Variants in NTF3 observed in about 807,000 individuals in gnomAD.
The protein encoded by NTF3 is neurotrophin-3.
NTF3 carries 8 observed loss-of-function variants against 26.3 expected under a neutral mutation model. The ratio of observed to expected loss-of-function variants is 0.30; its 90% CI spans 0.18 to 0.55. The LOEUF (loss-of-function observed/expected upper bound fraction) is 0.55. Ranked by LOEUF, NTF3 falls within the 20% of genes least tolerant of loss-of-function variation. The pLI, the probability that NTF3 is intolerant of heterozygous loss-of-function variation, is 0.93. For missense variants in NTF3, 276 were observed against 352.9 expected (o/e 0.78, Z 1.75); for synonymous variants, 154 against 145.5 (o/e 1.06, Z -0.42).
chr12:5,456,158 G>A lies in NTF3; in HGVS notation c.18+23816G>A, dbSNP rs934682316. Among the ~76,000 whole-genome samples, 6 of 152,198 alleles carry A rather than the reference G, an allele frequency of 3.9e-5. No individual in the cohort carries two copies. Among genetic ancestry groups the A allele is most frequent in the African/African-American group, 1.4e-4 (6 of 41,456 alleles). The stretch of plus-strand genomic sequence containing the variant: ...CAGGAGCACTGGTCACTTGGGCTGG[G>A]ATGGTTCTTAGTGGTACAGGATGCA... On this transcript the variant is annotated intron_variant, in intron 1 of 1. Transcript: ENST00000423158. The surrounding 1 kb of genome is among the most constrained non-coding windows in gnomAD (Gnocchi z 4.4).
At chr12:5,440,426 T>G (rs1940222637) in intron 1 of NTF3, among the ~76,000 whole-genome samples, 1 of 152,204 alleles carries the variant, frequency 6.6e-6, no homozygotes, top group Admixed American at 6.5e-5. Context: ...AAAAATATCC[T>G]TCTCTGGCTC....
Position 5,494,519 on chromosome 12 carries a change from C to T in NTF3, c.344C>T (p.Pro115Leu). 1.9e-6 allele frequency: 3 copies of T among 1,614,048 alleles called. No homozygotes were observed. Among genetic ancestry groups the T allele is most frequent in the Non-Finnish European group, 2.5e-6 (3 of 1,180,030 alleles). Residue 115 changes from proline to leucine, a missense_variant, in exon 2 of 2, where the codon CCG (proline) becomes CTG (leucine). This residue lies in a region of NTF3 where 221 missense variants were observed against 258.2 expected (regional missense o/e 0.86). Transcript: ENST00000423158. The surrounding 1 kb of genome is among the most constrained non-coding windows in gnomAD (Gnocchi z 8.3). Reference protein sequence around the residue: ...LLRQQRRYNSPRVLLSDSTPL... With the variant: ...LLRQQRRYNSLRVLLSDSTPL... Reference sequence around the variant, plus strand: ...CGACAACAGAGACGCTACAACTCACCGCGGGTCCTGCTGAGCGACAGCACC... The same window carrying T: ...CGACAACAGAGACGCTACAACTCACTGCGGGTCCTGCTGAGCGACAGCACC...
At chr12:5,432,433 C>A in intron 1 of NTF3, 91 bp downstream of exon 1, 1 of 1,410,642 alleles carries the variant, frequency 7.1e-7, no homozygotes, top group Non-Finnish European at 9.9e-7. Flanking sequence ...GTGCGGGGGG[C>A]CCCAGATCCG....
chr12:5,489,272 T>C (rs1304085562), intron 1 of NTF3, among the ~76,000 whole-genome samples: 1 of 152,246 alleles, frequency 6.6e-6, no homozygotes, highest in Non-Finnish European at 1.5e-5. Context: ...TGCTTAGAGC[T>C]GAGGCTTCTT....
chr12:5,467,267 G>A (rs1002437898), intron 1 of NTF3, among the ~76,000 whole-genome samples: 18 of 119,162 alleles, frequency 1.5e-4, no homozygotes, highest in African/African-American at 4.6e-4. Context: ...AAAAAAAGTC[G>A]GGGGCTTGCC....
intron 1 of NTF3, among the ~76,000 whole-genome samples, chr12:5,476,608 A>T (rs1049431474): frequency 1.3e-5 from 2 of 152,182 alleles, no homozygotes; most frequent in African/African-American, 4.8e-5. Context: ...AAGTGGCTGG[A>T]GTGGTGGATC....
intron 1 of NTF3, among the ~76,000 whole-genome samples, chr12:5,489,071 G>A (rs1431697908): frequency 6.6e-6 from 1 of 152,200 alleles, no homozygotes; most frequent in East Asian, 1.9e-4. Context: ...GGTGCACTCC[G>A]TGTTCTGTCC....
At chr12:5,442,466 G>A (rs11063677) in intron 1 of NTF3, among the ~76,000 whole-genome samples, 49,455 of 151,922 alleles carry the variant, frequency 0.33, 9,115 homozygotes, top group East Asian at 0.78. Context: ...GTACTTCTCA[G>A]AAGTATCCCT....
chr12:5,450,969 A>G (rs1020215287), intron 1 of NTF3, among the ~76,000 whole-genome samples: 5 of 152,208 alleles, frequency 3.3e-5, no homozygotes, highest in Non-Finnish European at 7.3e-5. Flanking sequence ...AATGTCTAGG[A>G]AGTGGTGGCA....
chr12:5,450,589 C>T (rs1225964918), intron 1 of NTF3, among the ~76,000 whole-genome samples: 2 of 152,188 alleles, frequency 1.3e-5, no homozygotes, highest in African/African-American at 4.8e-5. Context: ...ATTTGGCCTT[C>T]TTCATCTCAA....
chr12:5,492,412 T>C (rs949200356), intron 1 of NTF3, among the ~76,000 whole-genome samples: 1 of 152,254 alleles, frequency 6.6e-6, no homozygotes, highest in Non-Finnish European at 1.5e-5. Context: ...ATTATTCTTT[T>C]TGAGGGGAGT....
In NTF3 at chr12:5,494,519, C is replaced by A. The variant is rs1354743162; in HGVS notation, c.344C>A (p.Pro115Gln). 2.5e-6 allele frequency: 4 copies of A among 1,614,048 alleles called. No individual in the cohort carries two copies. In the East Asian group the frequency reaches 8.9e-5, roughly 36 times the overall value. Residue 115 changes from proline (P) to glutamine (Q), a missense_variant, in exon 2 of 2, where the codon CCG (proline) becomes CAG (glutamine). By Grantham distance (76) the Pro-to-Gln change is moderately conservative (BLOSUM62 -1). Around this residue, in one of 3 missense-constraint regions of NTF3, gnomAD observed 221 missense variants for 258.2 expected, o/e 0.86. Coordinates refer to ENST00000423158, the MANE Select transcript of NTF3 (RefSeq NM_001102654.2). This position sits in a 1 kb window ranked among gnomAD's most constrained non-coding sequence, Gnocchi z 8.3. ...LLRQQRRYNSPRVLLSDSTPL... is the reference protein window; with the variant it reads ...LLRQQRRYNSQRVLLSDSTPL... ...CGACAACAGAGACGCTACAACTCACCGCGGGTCCTGCTGAGCGACAGCACC... is the reference window on the plus strand; with the variant it reads ...CGACAACAGAGACGCTACAACTCACAGCGGGTCCTGCTGAGCGACAGCACC...
intron 1 of NTF3, among the ~76,000 whole-genome samples, chr12:5,448,532 C>T (rs1245048934): frequency 1.3e-5 from 2 of 152,148 alleles, no homozygotes; most frequent in Non-Finnish European, 2.9e-5. Flanking sequence ...CAGCTTCTAG[C>T]CAATGAAAGT....
In NTF3 at chr12:5,432,206, C is replaced by A; in HGVS notation, c.-119C>A. On this transcript the variant is annotated 5_prime_UTR_variant, in exon 1 of 2. Transcript: ENST00000423158. ...TTTCTTCTCTCTCCTTTCTTTCTTC[C>A]TCTCCTTTTTCCCCTGCTGGGTAGT... 1 of 1,170,526 alleles carries A rather than the reference C, an allele frequency of 8.5e-7. No individual in the cohort carries two copies. The highest frequency in any genetic ancestry group is 1.3e-6 in the Non-Finnish European group (1 of 781,086). 72.5% of individuals were successfully genotyped at this position (1,170,526 alleles called of 1,614,324 possible).
intron 1 of NTF3, among the ~76,000 whole-genome samples, chr12:5,467,228 C>CAAAAAAAAAAAAAA (rs60794349): frequency 1.2e-4 from 6 of 49,548 alleles, no homozygotes; most frequent in Admixed American, 3.3e-4. Flanking sequence ...GACTCCGTCT[C>CAAAAAAAAAAAAAA]AAAAAAAAAA....
chr12:5,434,928 G>T (rs889987653), intron 1 of NTF3, among the ~76,000 whole-genome samples: 13 of 152,084 alleles, frequency 8.5e-5, no homozygotes, highest in African/African-American at 3.1e-4. Flanking sequence ...CATGTAGGGG[G>T]TAGAAAAGTG....
intron 1 of NTF3, among the ~76,000 whole-genome samples, chr12:5,476,432 AG>A (rs2121222417): frequency 6.6e-6 from 1 of 152,332 alleles, no homozygotes; most frequent in South Asian, 2.1e-4. Flanking sequence ...ATCTACAGTA[AG>A]GGCTGAGCAG....
At chr12:5,446,392 A>G (rs1305171417) in intron 1 of NTF3, among the ~76,000 whole-genome samples, 1 of 152,202 alleles carries the variant, frequency 6.6e-6, no homozygotes. Flanking sequence ...AGCTATGATC[A>G]GGGCTGCTGA....
intron 1 of NTF3, among the ~76,000 whole-genome samples, chr12:5,465,582 C>A (rs1018264709): frequency 1.3e-5 from 2 of 152,204 alleles, no homozygotes; most frequent in African/African-American, 4.8e-5. Flanking sequence ...TCATGAAATG[C>A]CTCATTTATT....
Sources: allele counts gnomAD v4.1 joint callset (sites outside exome capture counted in the v4.1 genomes callset), GRCh38; gene constraint gnomAD v4.1.1; regional missense constraint gnomAD v4.1.1; non-coding constraint Gnocchi (gnomAD v3.1); transcripts MANE v1.5; gene names NCBI Gene and HGNC (gene_info 2026-07-23, HGNC 2026-07-21).